RALYL: variants seen among roughly 807,000 people sequenced by gnomAD.
RALYL encodes RNA-binding Raly-like protein.
RALYL carries 29 observed loss-of-function variants against 35.1 expected under a neutral mutation model. That is an observed-to-expected ratio of 0.83 (90% CI 0.61 to 1.13). RALYL has a LOEUF of 1.13. Among genes scored for constraint, RALYL ranks in the 50% most tolerant of loss-of-function variants. The probability of loss-of-function intolerance (pLI) is 0.00; values close to 1 mark genes in which losing one functional copy is unlikely to be tolerated. For missense variants in RALYL, 359 were observed against 360.4 expected, an observed-to-expected ratio of 1.00 and a Z score of 0.03; for synonymous variants, 120 against 127.6, an observed-to-expected ratio of 0.94 and a Z score of 0.40.
At chr8:84,730,635 C>T (rs1303295263) in intron 2 of RALYL, among the ~76,000 whole-genome samples, 1 of 149,768 alleles carries the variant, frequency 6.7e-6, no homozygotes, top group East Asian at 1.9e-4. Context: ...TCTAGAAGAC[C>T]CCATTGTCTC....
At chr8:84,884,154 G>T (rs1457135997) in intron 7 of RALYL, among the ~76,000 whole-genome samples, 2 of 152,064 alleles carry the variant, frequency 1.3e-5, no homozygotes, top group Non-Finnish European at 2.9e-5. Context: ...GTTTACTAAA[G>T]ATCGACCTCT....
chr8:84,230,915 T>C (rs1825187668), intron 1 of RALYL, among the ~76,000 whole-genome samples: 2 of 152,222 alleles, frequency 1.3e-5, no homozygotes, highest in South Asian at 4.1e-4. Flanking sequence ...TCAAAGCCCA[T>C]GCTCTTGACT....
chr8:84,869,054 G>A (rs1373831382), intron 6 of RALYL, among the ~76,000 whole-genome samples: 2 of 151,862 alleles, frequency 1.3e-5, no homozygotes, highest in Admixed American at 6.6e-5. Flanking sequence ...GGAGCAGAGC[G>A]GAGGCGTTGA....
intron 2 of RALYL, among the ~76,000 whole-genome samples, chr8:84,563,454 CT>C (rs1168310714): frequency 1.3e-5 from 2 of 151,784 alleles, no homozygotes; most frequent in Non-Finnish European, 2.9e-5. Flanking sequence ...TCCTGAGAAC[CT>C]TTATATGAGT....
intron 1 of RALYL, among the ~76,000 whole-genome samples, chr8:84,403,112 GC>G (rs1225433822): frequency 6.6e-6 from 1 of 152,038 alleles, no homozygotes; most frequent in Non-Finnish European, 1.5e-5. Flanking sequence ...TCTGTGGGTT[GC>G]CTATTCATTC....
At chr8:84,830,660 T>C (rs549141392) in intron 4 of RALYL, among the ~76,000 whole-genome samples, 10 of 152,252 alleles carry the variant, frequency 6.6e-5, no homozygotes, top group African/African-American at 2.4e-4. Flanking sequence ...ACATTGAATA[T>C]TGACCTAACC....
At chr8:84,324,053 T>C (rs567781331) in intron 1 of RALYL, among the ~76,000 whole-genome samples, 18 of 152,140 alleles carry the variant, frequency 1.2e-4, no homozygotes, top group African/African-American at 4.1e-4. Context: ...TGTACTAAAT[T>C]TTAAAGTATG....
intron 1 of RALYL, among the ~76,000 whole-genome samples, chr8:84,510,070 G>T (rs956439143): frequency 5.3e-5 from 8 of 152,268 alleles, no homozygotes; most frequent in African/African-American, 1.7e-4. Context: ...TATTGAGATT[G>T]CATTGAATCT....
At chr8:84,414,535 A>G (rs2044427941) in intron 1 of RALYL, among the ~76,000 whole-genome samples, 1 of 152,204 alleles carries the variant, frequency 6.6e-6, no homozygotes, top group African/African-American at 2.4e-5. Flanking sequence ...GCCTTCCACT[A>G]TGATTTGATT....
intron 1 of RALYL, among the ~76,000 whole-genome samples, chr8:84,497,828 A>G (rs1450091924): frequency 2.0e-5 from 3 of 151,476 alleles, no homozygotes; most frequent in African/African-American, 4.8e-5. Flanking sequence ...TTTTTAGTAG[A>G]GACGGGGTTT....
chr8:84,829,946 G>A (rs547407560), intron 4 of RALYL, among the ~76,000 whole-genome samples: 43 of 141,460 alleles, frequency 3.0e-4, no homozygotes, highest in African/African-American at 1.0e-3. Context: ...ACTCATGCCT[G>A]AAGGAAGCTC....
At chr8:84,888,502 G>A (rs554854199) in intron 8 of RALYL, among the ~76,000 whole-genome samples, 17 of 152,110 alleles carry the variant, frequency 1.1e-4, no homozygotes, top group African/African-American at 2.9e-4. Context: ...AATGATATGC[G>A]GGCAAATGTG....
chr8:84,672,170 C>T (rs966839850), intron 2 of RALYL, among the ~76,000 whole-genome samples: 1 of 152,208 alleles, frequency 6.6e-6, no homozygotes, highest in Non-Finnish European at 1.5e-5. Context: ...AGGGCAGGGT[C>T]AAATGCTGCC....
intron 1 of RALYL, among the ~76,000 whole-genome samples, chr8:84,224,661 C>CT (rs11406770): frequency 0.31 from 45,030 of 147,136 alleles, 6,868 homozygotes; most frequent in Non-Finnish European, 0.34. Flanking sequence ...TTCATTATTA[C>CT]TTTTTTTTTT....
chr8:84,390,733 A>G (rs1860483903), intron 1 of RALYL, among the ~76,000 whole-genome samples: 2 of 151,646 alleles, frequency 1.3e-5, no homozygotes. Context: ...TTTCACTGGG[A>G]TCTCATAAAG....
chr8:84,371,855 A>G (rs1350661014), intron 1 of RALYL, among the ~76,000 whole-genome samples: 1 of 152,128 alleles, frequency 6.6e-6, no homozygotes, highest in African/African-American at 2.4e-5. Context: ...ATAGAGAGAC[A>G]GCACTGATGA....
intron 4 of RALYL, among the ~76,000 whole-genome samples, chr8:84,849,109 G>T (rs571673969): frequency 1.3e-5 from 2 of 152,166 alleles, no homozygotes; most frequent in African/African-American, 4.8e-5. Flanking sequence ...AAAGTGCTTC[G>T]TAAATTCAAA....
rs144707778 is a variant in RALYL, at chr8:84,594,426, C to T, written c.256+64849C>T. Among the ~76,000 whole-genome samples, 241 of 151,700 alleles carry T rather than the reference C, an allele frequency of 1.6e-3. 2 individuals are homozygous for T. The highest frequency in any genetic ancestry group is 1.5e-3 in the Non-Finnish European group (99 of 67,862). On this transcript the variant is annotated intron_variant, in intron 2 of 8. Transcript: ENST00000521268. ...ATCCAAAGTGAGAACTTTTTAAGGG[C>T]TTATTTTATAAACAAGATTGTACTG...
chr8:84,377,461 T>TTGTTTGTTTGTTTGTTTG (rs1563816371), intron 1 of RALYL, among the ~76,000 whole-genome samples: 5 of 147,138 alleles, frequency 3.4e-5, no homozygotes, highest in African/African-American at 1.3e-4. Flanking sequence ...GTTTTTTTTT[T>TTGTTTGTTTGTTTGTTTG]TTTTTTTTTT....
Sources: gnomAD v4.1 joint callset for allele counts (sites outside exome capture counted in the v4.1 genomes callset) on GRCh38, gnomAD v4.1.1 for gene constraint, MANE v1.5 for transcripts, NCBI Gene and HGNC (gene_info 2026-07-23, HGNC 2026-07-21) for gene names.